The following SEMA5A variants were observed in gnomAD, a reference collection of about 807,000 sequenced individuals.
SEMA5A encodes semaphorin 5A, also known as semaphorin-5A.
A neutral mutation model predicts 135.5 loss-of-function variants in SEMA5A; 55 were observed. The observed-to-expected ratio is 0.41, with a 90% CI of 0.33 to 0.51. The LOEUF is 0.51. Among genes scored for constraint, SEMA5A ranks in the 20% least tolerant of loss-of-function variants. SEMA5A has a pLI of 0.37. For synonymous variants in SEMA5A, 580 were observed against 546.5 expected (o/e 1.06, Z -0.85); for missense variants, 1,290 against 1,419.9 (o/e 0.91, Z 1.47).
At chr5:9,119,824 G>A (rs1740711778) in intron 14 of SEMA5A, among the ~76,000 whole-genome samples, 1 of 152,086 alleles carries the variant, frequency 6.6e-6, no homozygotes, top group Non-Finnish European at 1.5e-5. Context: ...GAGACATAAA[G>A]AGTGCAAATA....
At chr5:9,494,935 C>T (rs1478002607) in intron 1 of SEMA5A, among the ~76,000 whole-genome samples, 1 of 152,134 alleles carries the variant, frequency 6.6e-6, no homozygotes, top group Non-Finnish European at 1.5e-5. Flanking sequence ...ATAACAAATG[C>T]AACCTTTGAC....
intron 11 of SEMA5A, among the ~76,000 whole-genome samples, chr5:9,186,199 G>A (rs1744799991): frequency 6.6e-6 from 1 of 152,084 alleles, no homozygotes; most frequent in Admixed American, 6.5e-5. Flanking sequence ...CTGGGTGGAT[G>A]GACACCAGGA....
chr5:9,202,378 C>A, intron 8 of SEMA5A, 138 bp from the exon 9 acceptor site: 1 of 640,764 alleles, frequency 1.6e-6, no homozygotes. Flanking sequence ...TTGGGAGGCC[C>A]CGTGAGCAGC....
intron 11 of SEMA5A, among the ~76,000 whole-genome samples, chr5:9,183,729 T>TA (rs1156734438): frequency 6.6e-6 from 1 of 152,222 alleles, no homozygotes; most frequent in African/African-American, 2.4e-5. Flanking sequence ...CCTCAGATAG[T>TA]AAAATGGGTC....
rs552178743 is a variant in SEMA5A at position 9,412,161 on chromosome 5, G to A, written c.-78+25595C>T. Among the ~76,000 whole-genome samples, 13 of 152,052 alleles carry A rather than the reference G, an allele frequency of 8.5e-5. No individual in the cohort carries two copies. The East Asian group carries it at 9.7e-4, about 11-fold the overall frequency. On this transcript the variant is annotated intron_variant, in intron 2 of 22. Coordinates refer to ENST00000382496, the MANE Select transcript of SEMA5A (RefSeq NM_003966.3). Reference sequence around the variant, plus strand: ...GCTAAATCCATGCAAAGTGTTCCCCGAAATGAACGTTCAGTCTCCTCCAGG... The same window carrying A: ...GCTAAATCCATGCAAAGTGTTCCCCAAAATGAACGTTCAGTCTCCTCCAGG...
chr5:9,328,262 C>T (rs1752965152), intron 4 of SEMA5A, among the ~76,000 whole-genome samples: 1 of 152,182 alleles, frequency 6.6e-6, no homozygotes, highest in South Asian at 2.1e-4. Context: ...GTCTAAGCAC[C>T]CTCTACTCTC....
At chr5:9,281,188 T>A (rs765620650) in intron 5 of SEMA5A, among the ~76,000 whole-genome samples, 9 of 152,236 alleles carry the variant, frequency 5.9e-5, no homozygotes, top group Non-Finnish European at 1.2e-4. Flanking sequence ...TTTGATAATG[T>A]ATCTTTACTT....
rs1190597277 is a variant in SEMA5A, at chr5:9,044,427, G to A, written c.3051C>T (p.Ser1017=). 4 of 1,613,806 alleles carry A rather than the reference G, an allele frequency of 2.5e-6. No individual in the cohort carries two copies. The highest frequency in any genetic ancestry group is 2.2e-5 in the South Asian group (2 of 91,046). ...HPVSPAPLNT[S]ITNHINKLDK... ...CCAGTTTGTTGATGTGGTTGGTTAT[G>A]CTGGTATTAAGGGGGGCAGGTGAGA... The change falls in exon 22 of 23, where the codon AGC becomes AGT. Residue 1017 remains serine (S), a synonymous_variant. Transcript: ENST00000382496.
chr5:9,292,490 A>G (rs1751134164), intron 5 of SEMA5A, among the ~76,000 whole-genome samples: 1 of 152,164 alleles, frequency 6.6e-6, no homozygotes, highest in Non-Finnish European at 1.5e-5. Flanking sequence ...CCTCTTCATT[A>G]CTGTCTTCAG....
At chr5:9,087,890 T>C (rs996433224) in intron 16 of SEMA5A, among the ~76,000 whole-genome samples, 1 of 152,248 alleles carries the variant, frequency 6.6e-6, no homozygotes, top group Non-Finnish European at 1.5e-5. Context: ...TAGGAAACAT[T>C]GCAAAATTTA....
intron 5 of SEMA5A, among the ~76,000 whole-genome samples, chr5:9,312,884 C>G (rs1752206520): frequency 6.6e-6 from 1 of 152,158 alleles, no homozygotes; most frequent in Admixed American, 6.6e-5. Flanking sequence ...GCCTATTTTT[C>G]TCATCACTCA....
intron 11 of SEMA5A, among the ~76,000 whole-genome samples, chr5:9,159,746 C>T (rs771532850): frequency 2.2e-4 from 34 of 152,088 alleles, no homozygotes; most frequent in South Asian, 4.1e-4. Context: ...TAAAGCCACA[C>T]GCACACATAT....
In SEMA5A at chr5:9,436,918, C is replaced by T. The variant is rs78513291; in HGVS notation, c.-78+838G>A. Among the ~76,000 whole-genome samples the T allele has an allele frequency of 2.4e-3, 362 of 151,736 alleles. 3 individuals carry two copies. Among genetic ancestry groups the T allele is most frequent in the African/African-American group, 7.9e-3 (325 of 41,396 alleles). On this transcript the variant is annotated intron_variant, in intron 2 of 22. Transcript: ENST00000382496. ...TGAGCCAGCCTTTGGAAGATCCAAACAAGCACGATTCGTGGTGGGAACAGA... is the reference window on the plus strand; with the variant it reads ...TGAGCCAGCCTTTGGAAGATCCAAATAAGCACGATTCGTGGTGGGAACAGA...
chr5:9,144,960 G>A (rs1223197444), intron 12 of SEMA5A, among the ~76,000 whole-genome samples: 2 of 152,104 alleles, frequency 1.3e-5, no homozygotes, highest in African/African-American at 4.8e-5. Flanking sequence ...TTAGTCCGGA[G>A]ACCATGAGAA....
At chr5:9,528,764 T>C (rs1299455485) in intron 1 of SEMA5A, among the ~76,000 whole-genome samples, 1 of 152,184 alleles carries the variant, frequency 6.6e-6, no homozygotes, top group Non-Finnish European at 1.5e-5. Context: ...AGTCACTAAA[T>C]TATGGGAAAA....
chr5:9,457,464 T>C (rs776423983), intron 1 of SEMA5A, among the ~76,000 whole-genome samples: 1 of 152,204 alleles, frequency 6.6e-6, no homozygotes, highest in African/African-American at 2.4e-5. Context: ...AGTTCCTCAC[T>C]CAAAATTGCT....
intron 1 of SEMA5A, among the ~76,000 whole-genome samples, chr5:9,538,699 C>T (rs772071957): frequency 4.6e-5 from 7 of 152,168 alleles, no homozygotes; most frequent in South Asian, 2.1e-4. Flanking sequence ...TTGTCGCATC[C>T]GGAAACAACC....
chr5:9,433,610 T>C (rs1757929032), intron 2 of SEMA5A, among the ~76,000 whole-genome samples: 1 of 140,552 alleles, frequency 7.1e-6, no homozygotes, highest in African/African-American at 2.5e-5. Context: ...CCTCCTTCCC[T>C]TCCTCCTTTC....
chr5:9,522,308 A>T (rs1418132380), intron 1 of SEMA5A, among the ~76,000 whole-genome samples: 1 of 152,138 alleles, frequency 6.6e-6, no homozygotes, highest in East Asian at 1.9e-4. Context: ...GTAGGAGGGG[A>T]ACGGTGGCTC....
Sources: allele counts gnomAD v4.1 joint callset (sites outside exome capture counted in the v4.1 genomes callset), GRCh38; gene constraint gnomAD v4.1.1; transcripts MANE v1.5; gene names NCBI Gene and HGNC (gene_info 2026-07-23, HGNC 2026-07-21).